Variants in DCTN2 observed in about 807,000 individuals in gnomAD.
DCTN2 encodes 50 kDa dynein-associated polypeptide.
In DCTN2, 18 loss-of-function variants were observed where a neutral mutation model predicts 55.4. The observed-to-expected ratio is 0.32, with a 90% CI of 0.22 to 0.48. DCTN2 has a LOEUF of 0.48. DCTN2 is among the 20% of genes least tolerant of loss of function. DCTN2 has a pLI of 0.99. For missense variants in DCTN2, 390 were observed against 491.0 expected (o/e 0.79, Z 1.94); for synonymous variants, 168 against 185.2 (o/e 0.91, Z 0.76).
chr12:57,544,235 A>C, intron 2 of DCTN2: 1 of 383,396 alleles, frequency 2.6e-6, no homozygotes. Context: ...TTGATACCAA[A>C]ATCTGCATAT....
chr12:57,530,314 A>C lies in DCTN2; in HGVS notation c.*375T>G. 5.5e-6 allele frequency: 1 copy of C among 180,458 alleles called. No individual in the cohort carries two copies. Among genetic ancestry groups the C allele is most frequent in the Middle Eastern group, 2.3e-3 (1 of 434 alleles). 11.2% of individuals were successfully genotyped at this position (180,458 alleles called of 1,614,324 possible). Reference sequence around the variant, plus strand: ...AGGAAACACAGCAGAGGCCACACAGAGTACAACAGCATTTAATGGTCAGAA... The same window carrying C: ...AGGAAACACAGCAGAGGCCACACAGCGTACAACAGCATTTAATGGTCAGAA... On this transcript the variant is annotated 3_prime_UTR_variant, in exon 14 of 14. Transcript: ENST00000548249.
chr12:57,535,508 T>C lies in DCTN2; in HGVS notation c.240A>G (p.Gly80=). 1 of 1,613,956 alleles carries C rather than the reference T, an allele frequency of 6.2e-7. No homozygotes were observed. The highest frequency in any genetic ancestry group is 8.5e-7 in the Non-Finnish European group (1 of 1,179,882). Residue 80 remains glycine (G), a synonymous_variant, in exon 4 of 14, where the codon GGA becomes GGG. Coordinates refer to ENST00000548249, the MANE Select transcript of DCTN2 (RefSeq NM_001261413.2). ...SDRIGKTKRT[G]YESGEYEMLG... is the part of the protein sequence containing the mutation. Reference sequence around the variant, plus strand: ...CCATCTCATATTCTCCAGATTCATATCCTGTCCTCTTGGTTTTTCCAATAC... The same window carrying C: ...CCATCTCATATTCTCCAGATTCATACCCTGTCCTCTTGGTTTTTCCAATAC...
At chr12:57,535,349 T>C (rs1880142918) in intron 4 of DCTN2, 135 bp downstream of exon 4, 1 of 1,234,504 alleles carries the variant, frequency 8.1e-7, no homozygotes, top group Non-Finnish European at 1.2e-6. Flanking sequence ...AGAGTTTCCC[T>C]GGCTGCATCC....
At chr12:57,543,157 G>A (rs1337800181) in intron 2 of DCTN2, 1 of 385,220 alleles carries the variant, frequency 2.6e-6, no homozygotes, top group East Asian at 7.2e-5. Context: ...AGACCATCCT[G>A]GCTAACACAT....
At position 57,534,065 on chromosome 12, in the gene DCTN2, T is replaced by A. The variant is rs374514646; in HGVS notation, c.557A>T (p.Asn186Ile). ...RLLLQLEATK[N>I]SKGGSGGKTT... ...TTTTCCCCCTGATCCCCCTTTGCTG[T>A]TCTTTGTTGCTTCCAGCTGCAGTAG... The change falls in exon 7 of 14, where the codon AAC (asparagine) becomes ATC (isoleucine). Residue 186 changes from asparagine to isoleucine, a missense_variant. Physicochemically the swap from Asn to Ile is moderately radical, Grantham distance 149. Around this residue, in one of 2 missense-constraint regions of DCTN2, gnomAD observed 273 missense variants for 303.2 expected, o/e 0.90. Coordinates refer to ENST00000548249, the MANE Select transcript of DCTN2 (RefSeq NM_001261413.2). The A allele has an allele frequency of 1.2e-5, 20 of 1,608,188 alleles. No homozygotes were observed. Among genetic ancestry groups the A allele is most frequent in the Middle Eastern group, 1.7e-4 (1 of 6,056 alleles).
At chr12:57,534,858 TG>T in intron 5 of DCTN2, 197 bp downstream of exon 5, 1 of 496,738 alleles carries the variant, frequency 2.0e-6, no homozygotes. Flanking sequence ...TTAGTACAGA[TG>T]GGGTTTCATC....
Position 57,534,335 on chromosome 12 carries a change from C to G in DCTN2, c.481G>C (p.Asp161His), listed in dbSNP as rs764098888. 8 of 1,610,348 alleles carry G rather than the reference C, an allele frequency of 5.0e-6. No homozygotes were observed. In the South Asian group the frequency reaches 8.8e-5, roughly 18 times the overall value. ...ASHLEKLLGP[D>H]AAINLTDPDG... Reference sequence around the variant, plus strand: ...GGGTCGGTAAGGTTGATTGCAGCATCTGGTCCCAGCAGCTTCTCCAGGTGG... The same window carrying G: ...GGGTCGGTAAGGTTGATTGCAGCATGTGGTCCCAGCAGCTTCTCCAGGTGG... The change falls in exon 6 of 14, where the codon GAT becomes CAT. Residue 161 changes from aspartate to histidine, a missense_variant. Physicochemically the swap from Asp to His is moderately conservative, Grantham distance 81 (BLOSUM62 -1). This residue lies in a region of DCTN2 where 273 missense variants were observed against 303.2 expected (regional missense o/e 0.90). Transcript: ENST00000548249.
chr12:57,531,898 C>G, intron 13 of DCTN2, 117 bp downstream of exon 13: 7 of 1,457,824 alleles, frequency 4.8e-6, no homozygotes, highest in Non-Finnish European at 6.5e-6. Flanking sequence ...GACTCCAGAC[C>G]AACCCCCTGC....
intron 2 of DCTN2, among the ~76,000 whole-genome samples, chr12:57,536,334 A>T (rs1289180459): frequency 6.6e-6 from 1 of 152,248 alleles, no homozygotes; most frequent in Non-Finnish European, 1.5e-5. Context: ...TTAGGACTTT[A>T]AACCTGTTGA....
intron 2 of DCTN2, among the ~76,000 whole-genome samples, chr12:57,540,455 T>C (rs867491768): frequency 1.6e-4 from 25 of 152,318 alleles, no homozygotes; most frequent in African/African-American, 6.0e-4. Context: ...ACTAGTCACC[T>C]TGATTGGAAG....
Position 57,534,307 on chromosome 12 carries a change from T to C in DCTN2, c.509A>G (p.Asp170Gly). The change falls in exon 6 of 14, where the codon GAT becomes GGT. Residue 170 changes from aspartate (D) to glycine (G), a missense_variant. Around this residue, in one of 2 missense-constraint regions of DCTN2, gnomAD observed 273 missense variants for 303.2 expected, o/e 0.90. Coordinates refer to ENST00000548249, the MANE Select transcript of DCTN2 (RefSeq NM_001261413.2). Reference protein sequence around the residue: ...PDAAINLTDPDGALAKRLLLQ... With the variant: ...PDAAINLTDPGGALAKRLLLQ... ...GGGTACCCACTTAGCCAGGGCGCCATCGGGGTCGGTAAGGTTGATTGCAGC... is the reference window on the plus strand; with the variant it reads ...GGGTACCCACTTAGCCAGGGCGCCACCGGGGTCGGTAAGGTTGATTGCAGC... 5 of 1,594,276 alleles carry C rather than the reference T, an allele frequency of 3.1e-6. No individual in the cohort carries two copies. The highest frequency in any genetic ancestry group is 3.4e-6 in the Non-Finnish European group (4 of 1,165,848).
At chr12:57,534,995 T>C (rs1880107841) in intron 5 of DCTN2, 61 bp downstream of exon 5, 2 of 1,396,728 alleles carry the variant, frequency 1.4e-6, no homozygotes, top group South Asian at 2.4e-5. Context: ...CTCTTCTTGC[T>C]TGAGGTCTTC....
rs140809906 is a variant in DCTN2 at position 57,536,964 on chromosome 12, G to A, written c.106-1119C>T. On this transcript the variant is annotated intron_variant, in intron 2 of 13. Coordinates refer to ENST00000548249, the MANE Select transcript of DCTN2 (RefSeq NM_001261413.2). ...CCTAGAACAATGGTTCTCACCCCAG[G>A]CTGCATGTTAGAATCACTTATAATT... Among the ~76,000 whole-genome samples the A allele has an allele frequency of 2.6e-5, 4 of 151,998 alleles. No homozygotes were observed. In the East Asian group the frequency reaches 7.8e-4, roughly 29 times the overall value.
intron 2 of DCTN2, among the ~76,000 whole-genome samples, chr12:57,545,439 TC>T (rs1238479131): frequency 6.6e-6 from 1 of 152,098 alleles, no homozygotes; most frequent in African/African-American, 2.4e-5. Context: ...ACTAAATGTT[TC>T]CCCTCACAGT....
chr12:57,533,043 GAAGT>G (rs1879886738), intron 8 of DCTN2, 21 bp from the exon 9 acceptor site: 2 of 1,590,558 alleles, frequency 1.3e-6, no homozygotes, highest in Admixed American at 1.8e-5. Context: ...AGGAAGGGAA[GAAGT>G]GAGTGGTCCT....
At chr12:57,542,756 T>C (rs1210582537) in intron 2 of DCTN2, 1 of 454,022 alleles carries the variant, frequency 2.2e-6, no homozygotes, top group African/African-American at 2.0e-5. Flanking sequence ...GAGGCAAAGG[T>C]TGCAGTGAGA....
Position 57,535,502 on chromosome 12 carries a change from T to C in DCTN2, c.246A>G (p.Glu82=), listed in dbSNP as rs1352440724. ...AACAAACCATCTCATATTCTCCAGA[T>C]TCATATCCTGTCCTCTTGGTTTTTC... ...RIGKTKRTGY[E]SGEYEMLGEG... Residue 82 remains glutamate (E), a synonymous_variant, in exon 4 of 14, where the codon GAA becomes GAG. Transcript: ENST00000548249. 1 of 1,613,982 alleles carries C rather than the reference T, an allele frequency of 6.2e-7. No individual in the cohort carries two copies. The highest frequency in any genetic ancestry group is 2.2e-5 in the East Asian group (1 of 44,872).
intron 7 of DCTN2, 44 bp from the exon 8 acceptor site, chr12:57,533,347 T>A: frequency 6.4e-7 from 1 of 1,562,956 alleles, no homozygotes; most frequent in Non-Finnish European, 8.8e-7. Flanking sequence ...GCTTCCCTGC[T>A]GCTGCAATGG....
Position 57,547,163 on chromosome 12 carries a change from G to C in DCTN2, c.-100C>G. 9.9e-7 allele frequency: 1 copy of C among 1,007,096 alleles called. No individual in the cohort carries two copies. Among genetic ancestry groups the C allele is most frequent in the East Asian group, 3.3e-5 (1 of 30,568 alleles). 62.4% of individuals were successfully genotyped at this position (1,007,096 alleles called of 1,614,324 possible). On this transcript the variant is annotated 5_prime_UTR_variant, in exon 1 of 14. Coordinates refer to ENST00000548249, the MANE Select transcript of DCTN2 (RefSeq NM_001261413.2). The stretch of plus-strand genomic sequence containing the variant: ...GGTTCGGGTCCCGGGCTAAGGCGGC[G>C]GCAAAGGGAGCGGCAGATGAGCAGG...
Sources: allele counts gnomAD v4.1 joint callset (sites outside exome capture counted in the v4.1 genomes callset), GRCh38; gene constraint gnomAD v4.1.1; regional missense constraint gnomAD v4.1.1; transcripts MANE v1.5; gene names NCBI Gene and HGNC (gene_info 2026-07-23, HGNC 2026-07-21).